SKA3: variants seen among roughly 807,000 people sequenced by gnomAD.
The protein encoded by SKA3 is spindle and kinetochore associated complex subunit 3, also known as spindle and kinetochore-associated protein 3.
Under a neutral mutation model 44.2 loss-of-function variants are expected in SKA3, and 39 were observed. The observed-to-expected ratio is 0.88, with a 90% CI of 0.68 to 1.15. The LOEUF is 1.15. SKA3 is among the 50% of genes most tolerant of loss of function. The pLI, the probability that SKA3 is intolerant of heterozygous loss-of-function variation, is 0.00. For missense variants in SKA3, 511 were observed against 485.8 expected, an observed-to-expected ratio of 1.05 and a Z score of -0.49; for synonymous variants, 192 against 172.0, an observed-to-expected ratio of 1.12 and a Z score of -0.91.
chr13:21,173,349 C>T (rs541696409), intron 1 of SKA3, among the ~76,000 whole-genome samples: 4 of 152,264 alleles, frequency 2.6e-5, no homozygotes, highest in Non-Finnish European at 4.4e-5. Context: ...CTTCACCTCC[C>T]GGATTCAAGC....
At chr13:21,170,879 G>A (rs1052637969) in intron 3 of SKA3, among the ~76,000 whole-genome samples, 2 of 151,648 alleles carry the variant, frequency 1.3e-5, no homozygotes, top group South Asian at 2.1e-4. Flanking sequence ...ATGATTCCAC[G>A]TGGGGGGTGG....
chr13:21,167,790 A>C lies in SKA3; in HGVS notation c.743+198T>G, dbSNP rs9550711. Among the ~76,000 whole-genome samples, 5 of 151,182 alleles carry C rather than the reference A, an allele frequency of 3.3e-5. No homozygotes were observed. The East Asian group carries it at 5.8e-4, about 18-fold the overall frequency. On this transcript the variant is annotated intron_variant, in intron 4 of 8. Coordinates refer to ENST00000314759, the MANE Select transcript of SKA3 (RefSeq NM_145061.6). ...TCGAAAAAAAAAAACAAAAAAAAAA[A>C]CCAAAAAAAAACTTATTGATGTAAC...
intron 7 of SKA3, among the ~76,000 whole-genome samples, 174 bp downstream of exon 7, chr13:21,157,748 C>A (rs935208996): frequency 6.6e-6 from 1 of 152,100 alleles, no homozygotes; most frequent in Admixed American, 6.6e-5. Flanking sequence ...CACAGTTGAA[C>A]AAGAATTAGA....
At chr13:21,161,750 G>T in intron 5 of SKA3, 40 bp downstream of exon 5, 1 of 1,122,052 alleles carries the variant, frequency 8.9e-7, no homozygotes, top group South Asian at 1.9e-5. Context: ...GATAGTTTGG[G>T]AAAAATGTTC....
At position 21,154,691 on chromosome 13, in the gene SKA3, A is replaced by G. The variant is rs978330697; in HGVS notation, c.*459T>C. The G allele has an allele frequency of 1.6e-5, 3 of 187,444 alleles. No individual in the cohort carries two copies. The highest frequency in any genetic ancestry group is 3.4e-5 in the Non-Finnish European group (3 of 88,960). 11.6% of individuals were successfully genotyped at this position (187,444 alleles called of 1,614,324 possible). A position where few individuals can be genotyped will look rare whatever the true frequency, so the allele number is the denominator to read the frequency against. On this transcript the variant is annotated 3_prime_UTR_variant, in exon 9 of 9. Transcript: ENST00000314759. ...GTGTTCCTGTTGTTTGCAAACAGCA[A>G]CTGCATCTTCAGACAGCACTGAGCA... is the stretch of plus-strand genomic sequence containing the variant.
rs75909212 is a variant in SKA3, at chr13:21,171,167, A to G, written c.331+1172T>C. On this transcript the variant is annotated intron_variant, in intron 3 of 8. Coordinates refer to ENST00000314759, the MANE Select transcript of SKA3 (RefSeq NM_145061.6). ...TGGCCTCAAGTGATCCTCCTGCCTC[A>G]ATCTCCCACACTGCTGGGGTAACAG... 1.1e-4 allele frequency among the ~76,000 whole-genome samples: 16 copies of G among 152,216 alleles called. No homozygotes were observed. In the East Asian group the frequency reaches 1.4e-3, roughly 13 times the overall value.
chr13:21,159,829 T>C (rs1870332278), intron 6 of SKA3, 73 bp downstream of exon 6: 1 of 979,806 alleles, frequency 1.0e-6, no homozygotes, highest in Non-Finnish European at 1.4e-6. Context: ...AACAGACTCT[T>C]TGAGCCTGCA....
chr13:21,165,700 T>C (rs1870670601), intron 4 of SKA3, among the ~76,000 whole-genome samples: 1 of 152,158 alleles, frequency 6.6e-6, no homozygotes, highest in South Asian at 2.1e-4. Context: ...TCTGGGAGGC[T>C]GAGACAGGTG....
intron 4 of SKA3, among the ~76,000 whole-genome samples, chr13:21,166,054 G>C (rs1486857639): frequency 6.6e-6 from 1 of 150,382 alleles, no homozygotes; most frequent in Admixed American, 6.6e-5. Context: ...TTTTGCTCTT[G>C]TTATCTAGGC....
At chr13:21,170,636 GA>G (rs1870986927) in intron 3 of SKA3, among the ~76,000 whole-genome samples, 1 of 152,202 alleles carries the variant, frequency 6.6e-6, no homozygotes, top group Non-Finnish European at 1.5e-5. Flanking sequence ...TTTGAGAACA[GA>G]AAGTTCTTGC....
Position 21,157,979 on chromosome 13 carries a change from A to G in SKA3, c.1062T>C (p.Asn354=), listed in dbSNP as rs776707291. 2 of 1,613,372 alleles carry G rather than the reference A, an allele frequency of 1.2e-6. No individual in the cohort carries two copies. The highest frequency in any genetic ancestry group is 1.7e-6 in the Non-Finnish European group (2 of 1,179,528). Residue 354 remains asparagine (N), a synonymous_variant, in exon 7 of 9, where the codon AAT becomes AAC. Coordinates refer to ENST00000314759, the MANE Select transcript of SKA3 (RefSeq NM_145061.6). ...PSSPTISSYE[N]LLRTPTPPEV... ...CCGGAGGTGTAGGTGTTCTGAGCAG[A>G]TTCTCATAAGAAGAAATCGTAGGTG... is the stretch of plus-strand genomic sequence containing the variant.
rs1255167522 is a variant in SKA3, at chr13:21,172,499, A to G, written c.171T>C (p.Asp57=). 6.4e-7 allele frequency: 1 copy of G among 1,572,792 alleles called. No homozygotes were observed. Among genetic ancestry groups the G allele is most frequent in the Non-Finnish European group, 8.6e-7 (1 of 1,160,530 alleles). Residue 57 remains aspartate, a synonymous_variant, in exon 3 of 9, where the codon GAT becomes GAC. Coordinates refer to ENST00000314759, the MANE Select transcript of SKA3 (RefSeq NM_145061.6). ...LHSEVQTLKD[D]VNILLDKARL... ...TTGCTTTATCAAGAAGAATATTAAC[A>G]TCATCCTTTTATGAATAAAGAAAGT...
At chr13:21,165,439 A>C (rs1481654001) in intron 4 of SKA3, among the ~76,000 whole-genome samples, 1 of 151,452 alleles carries the variant, frequency 6.6e-6, no homozygotes, top group Non-Finnish European at 1.5e-5. Context: ...AAATAAATAA[A>C]TAAATAAATA....
chr13:21,167,855 T>A, intron 4 of SKA3, 133 bp downstream of exon 4: 4 of 609,384 alleles, frequency 6.6e-6, no homozygotes, highest in Admixed American at 4.3e-5. Flanking sequence ...TGAAATAAAA[T>A]AAATAAATAA....
chr13:21,157,822 A>T, intron 7 of SKA3, 100 bp downstream of exon 7: 2 of 690,372 alleles, frequency 2.9e-6, no homozygotes, highest in Non-Finnish European at 2.1e-6. Flanking sequence ...CACTAGCCCA[A>T]TGATAAATAA....
At chr13:21,176,126 T>G (rs1164225803) in intron 1 of SKA3, among the ~76,000 whole-genome samples, 1 of 152,178 alleles carries the variant, frequency 6.6e-6, no homozygotes, top group Non-Finnish European at 1.5e-5. Context: ...AAGAGAGCCG[T>G]GGGGTTGTAC....
intron 8 of SKA3, among the ~76,000 whole-genome samples, 164 bp from the exon 9 acceptor site, chr13:21,155,314 T>C (rs1232749860): frequency 6.6e-6 from 1 of 152,104 alleles, no homozygotes; most frequent in Non-Finnish European, 1.5e-5. Context: ...GATTCAGGGA[T>C]CACAAGTTCT....
At chr13:21,167,756 GC>G (rs1870790916) in intron 4 of SKA3, among the ~76,000 whole-genome samples, 1 of 143,588 alleles carries the variant, frequency 7.0e-6, no homozygotes, top group African/African-American at 2.6e-5. Context: ...GACAGAGCAA[GC>G]CTCCGTCTCG....
In SKA3 at chr13:21,155,825, AGG is replaced by A; in HGVS notation, c.1120-16_1120-15del. The A allele has an allele frequency of 2.9e-5, 29 of 989,746 alleles. No individual in the cohort carries two copies. Among genetic ancestry groups the A allele is most frequent in the East Asian group, 3.9e-5 (1 of 25,664 alleles). 61.3% of individuals were successfully genotyped at this position (989,746 alleles called of 1,614,324 possible). A position where few individuals can be genotyped will look rare whatever the true frequency, so the allele number is the denominator to read the frequency against. Reference sequence around the variant, plus strand: ...TTTTGATAAAAGCTAAAAAAAAAAAAGGAAATTCCTTTTTATCGAGCCATATG... The same window carrying A: ...TTTTGATAAAAGCTAAAAAAAAAAAAAAATTCCTTTTTATCGAGCCATATG... On this transcript the variant is annotated splice_polypyrimidine_tract_variant and intron_variant, in intron 7 of 8. Coordinates refer to ENST00000314759, the MANE Select transcript of SKA3 (RefSeq NM_145061.6).
Sources: gnomAD v4.1 joint callset for allele counts (sites outside exome capture counted in the v4.1 genomes callset) on GRCh38, gnomAD v4.1.1 for gene constraint, MANE v1.5 for transcripts, NCBI Gene and HGNC (gene_info 2026-07-23, HGNC 2026-07-21) for gene names.